The following ASIC2 variants were observed in gnomAD, a reference collection of about 807,000 sequenced individuals.
ASIC2 encodes acid sensing ion channel subunit 2.
A neutral mutation model predicts 57.3 loss-of-function variants in ASIC2; 25 were observed. The observed-to-expected ratio is 0.44, with a 90% CI of 0.32 to 0.61. The LOEUF (loss-of-function observed/expected upper bound fraction) is 0.61, where lower values mean the gene tolerates loss of function less well. ASIC2 is among the 20% of genes least tolerant of loss of function. The probability of loss-of-function intolerance (pLI) is 0.06; values close to 1 mark genes in which losing one functional copy is unlikely to be tolerated. For missense variants in ASIC2, 641 were observed against 738.1 expected, an observed-to-expected ratio of 0.87 and a Z score of 1.52; for synonymous variants, 319 against 307.5, an observed-to-expected ratio of 1.04 and a Z score of -0.39.
At chr17:34,070,523 T>C (rs916486407) in intron 1 of ASIC2, 1 of 152,094 alleles carries the variant, frequency 6.6e-6, no homozygotes, top group Admixed American at 6.5e-5. Context: ...TGTTGCTACA[T>C]TGGGGAAAAG....
rs376817501 is a variant in ASIC2, at chr17:33,506,285, C to T, written c.556-394218G>A. On this transcript the variant is annotated intron_variant, in intron 1 of 9. Transcript: ENST00000359872. Reference sequence around the variant, plus strand: ...AAAATTAGCTGGGTGTGGTGGCGGGCGCCTGTAGTCCCAGCTACTCGGGAG... The same window carrying T: ...AAAATTAGCTGGGTGTGGTGGCGGGTGCCTGTAGTCCCAGCTACTCGGGAG... Among the ~76,000 whole-genome samples, 35 of 149,718 alleles carry T rather than the reference C, an allele frequency of 2.3e-4. No individual in the cohort carries two copies. In the East Asian group the frequency reaches 5.9e-3, roughly 25 times the overall value.
At chr17:33,945,647 C>T (rs1430280855) in intron 1 of ASIC2, among the ~76,000 whole-genome samples, 1 of 152,118 alleles carries the variant, frequency 6.6e-6, no homozygotes. Context: ...GCTTCTGTGT[C>T]AGGGGACACC....
intron 9 of ASIC2, 138 bp downstream of exon 9, chr17:33,015,833 G>T: frequency 2.4e-6 from 2 of 846,456 alleles, no homozygotes; most frequent in Non-Finnish European, 3.7e-6. Context: ...CTTGGATTTG[G>T]GAACTGACAG....
intron 1 of ASIC2, among the ~76,000 whole-genome samples, chr17:34,000,619 C>G (rs1012541259): frequency 6.6e-6 from 1 of 152,176 alleles, no homozygotes; most frequent in Non-Finnish European, 1.5e-5. Flanking sequence ...GTTCATTACT[C>G]TCTCCAGGTT....
At chr17:33,313,899 T>C (rs973230610) in intron 1 of ASIC2, among the ~76,000 whole-genome samples, 1 of 151,716 alleles carries the variant, frequency 6.6e-6, no homozygotes, top group African/African-American at 2.4e-5. Context: ...GATGGGAAAG[T>C]TCAGACAAGC....
chr17:33,960,113 A>C (rs11655097), intron 1 of ASIC2, among the ~76,000 whole-genome samples: 52,276 of 152,024 alleles, frequency 0.34, 9,196 homozygotes, highest in African/African-American at 0.38. Flanking sequence ...CAGTGGGATA[A>C]ATTCAATCAA....
At chr17:33,690,727 A>G (rs2142063414) in intron 1 of ASIC2, among the ~76,000 whole-genome samples, 1 of 148,328 alleles carries the variant, frequency 6.7e-6, no homozygotes, top group African/African-American at 2.5e-5. Context: ...TGTAATCTAG[A>G]CAGTTACTCT....
intron 1 of ASIC2, among the ~76,000 whole-genome samples, chr17:33,389,259 C>A (rs1175281513): frequency 1.3e-5 from 2 of 152,178 alleles, no homozygotes; most frequent in Non-Finnish European, 2.9e-5. Flanking sequence ...CCGTGCCTGG[C>A]TCTCTCCCAC....
intron 1 of ASIC2, among the ~76,000 whole-genome samples, chr17:33,768,995 T>C (rs557312041): frequency 6.6e-6 from 1 of 152,212 alleles, no homozygotes; most frequent in Non-Finnish European, 1.5e-5. Context: ...ACTTAAAGTA[T>C]AATAAAAAAA....
intron 1 of ASIC2, among the ~76,000 whole-genome samples, chr17:33,416,469 G>A (rs1910844620): frequency 6.6e-6 from 1 of 152,170 alleles, no homozygotes; most frequent in African/African-American, 2.4e-5. Context: ...CTGGTTACTG[G>A]TTTTAATTTT....
chr17:33,579,796 T>G (rs750880736), intron 1 of ASIC2, among the ~76,000 whole-genome samples: 32 of 152,032 alleles, frequency 2.1e-4, no homozygotes, highest in Non-Finnish European at 3.5e-4. Context: ...TACCACACCG[T>G]GAAAAACACC....
intron 3 of ASIC2, among the ~76,000 whole-genome samples, chr17:33,038,681 CCTGGTG>C (rs1439939775): frequency 8.5e-5 from 13 of 152,154 alleles, no homozygotes; most frequent in Non-Finnish European, 1.3e-4. Flanking sequence ...GATTAAATAC[CCTGGTG>C]CATGTCTTTC....
intron 1 of ASIC2, among the ~76,000 whole-genome samples, chr17:33,226,959 A>G (rs1430783040): frequency 6.6e-6 from 1 of 152,252 alleles, no homozygotes; most frequent in Non-Finnish European, 1.5e-5. Context: ...ATATACAAAA[A>G]TTACTGAGAT....
intron 1 of ASIC2, among the ~76,000 whole-genome samples, chr17:33,536,951 A>G (rs1410317772): frequency 2.0e-5 from 3 of 152,166 alleles, no homozygotes; most frequent in Non-Finnish European, 4.4e-5. Flanking sequence ...TATTGAGGCT[A>G]CAATGAGCCA....
At chr17:33,470,134 C>G (rs7222281) in intron 1 of ASIC2, among the ~76,000 whole-genome samples, 123,121 of 152,114 alleles carry the variant, frequency 0.81, 50,279 homozygotes, top group African/African-American at 0.92. Flanking sequence ...GATTCACAGA[C>G]CAGCTGGTGT....
intron 1 of ASIC2, among the ~76,000 whole-genome samples, chr17:33,158,509 C>A (rs1905074344): frequency 6.6e-6 from 1 of 152,176 alleles, no homozygotes; most frequent in Non-Finnish European, 1.5e-5. Context: ...CTGTGAATGC[C>A]AAAGATCTCC....
At chr17:33,282,832 C>G (rs749374367) in intron 1 of ASIC2, among the ~76,000 whole-genome samples, 8 of 152,168 alleles carry the variant, frequency 5.3e-5, no homozygotes, top group Non-Finnish European at 1.0e-4. Context: ...ATTCTCCCAC[C>G]TCCTTTTGTC....
chr17:33,905,746 T>A (rs920121197), intron 1 of ASIC2, among the ~76,000 whole-genome samples: 2 of 152,162 alleles, frequency 1.3e-5, no homozygotes, highest in African/African-American at 2.4e-5. Flanking sequence ...TAGTCTGACA[T>A]CAGACAAATG....
At chr17:33,088,173 C>T (rs929910817) in intron 3 of ASIC2, among the ~76,000 whole-genome samples, 6 of 152,180 alleles carry the variant, frequency 3.9e-5, no homozygotes, top group Admixed American at 6.5e-5. Context: ...GAAAACCAGG[C>T]AACAAGTATT....
Sources: gnomAD v4.1 joint callset for allele counts (sites outside exome capture counted in the v4.1 genomes callset) on GRCh38, gnomAD v4.1.1 for gene constraint, MANE v1.5 for transcripts, NCBI Gene and HGNC (gene_info 2026-07-23, HGNC 2026-07-21) for gene names.